GSE1: variants seen among roughly 807,000 people sequenced by gnomAD.
The protein encoded by GSE1 is genetic suppressor element 1.
GSE1 carries 32 observed loss-of-function variants against 112.6 expected under a neutral mutation model. The observed-to-expected ratio is 0.28, with a 90% CI of 0.21 to 0.38. The LOEUF (loss-of-function observed/expected upper bound fraction) is 0.38. GSE1 is among the 10% of genes least tolerant of loss of function. GSE1 has a pLI of 1.00. For synonymous variants in GSE1, 1,115 were observed against 735.6 expected (o/e 1.52, Z -8.35); for missense variants, 2,348 against 1,699.2 (o/e 1.38, Z -6.71).
chr16:85,667,664 C>G (rs1338607263), intron 13 of GSE1, among the ~76,000 whole-genome samples: 1 of 152,192 alleles, frequency 6.6e-6, no homozygotes, highest in African/African-American at 2.4e-5. Context: ...TTGAAACCAG[C>G]CTGGGCCAAC....
Position 85,674,555 on chromosome 16 carries a change from G to C in GSE1, c.*2016G>C, listed in dbSNP as rs1251221191. On this transcript the variant is annotated 3_prime_UTR_variant, in exon 16 of 16. Coordinates refer to ENST00000253458, the MANE Select transcript of GSE1 (RefSeq NM_014615.5). The stretch of plus-strand genomic sequence containing the variant: ...CCTACTTGAGGTTTCTGGTCTGAAG[G>C]CTTAAGAGTCACATCTTAGCACTTC... 1.3e-5 allele frequency: 2 copies of C among 152,344 alleles called. No homozygotes were observed. Among genetic ancestry groups the C allele is most frequent in the South Asian group, 2.1e-4 (1 of 4,830 alleles). 9.4% of individuals were successfully genotyped at this position (152,344 alleles called of 1,614,324 possible).
intron 2 of GSE1, among the ~76,000 whole-genome samples, chr16:85,539,123 GTTTA>G (rs1190110016): frequency 1.3e-5 from 2 of 152,244 alleles, no homozygotes; most frequent in Non-Finnish European, 2.9e-5. Context: ...GAGCTGTGCA[GTTTA>G]TTTATGTATG....
intron 1 of GSE1, among the ~76,000 whole-genome samples, chr16:85,231,559 G>T (rs1383080829): frequency 6.6e-6 from 1 of 152,234 alleles, no homozygotes; most frequent in Non-Finnish European, 1.5e-5. Context: ...ACAGGTGGAA[G>T]TGTAGATGAA....
intron 1 of GSE1, among the ~76,000 whole-genome samples, chr16:85,615,997 C>G (rs893038191): frequency 6.6e-6 from 1 of 152,244 alleles, no homozygotes; most frequent in Non-Finnish European, 1.5e-5. Context: ...CTCCAGCAGT[C>G]ACTTCCCTGT....
chr16:85,230,620 C>G (rs1904276440), intron 1 of GSE1, among the ~76,000 whole-genome samples: 1 of 152,194 alleles, frequency 6.6e-6, no homozygotes, highest in East Asian at 1.9e-4. Context: ...ACCAGCAGTT[C>G]TAGGCTGACG....
intron 2 of GSE1, among the ~76,000 whole-genome samples, chr16:85,510,687 G>A (rs943571870): frequency 4.6e-5 from 7 of 152,180 alleles, no homozygotes; most frequent in Non-Finnish European, 7.3e-5. Context: ...ACCCTCCCAC[G>A]GCTCCCATGC....
chr16:85,253,679 C>T (rs1906758381), intron 1 of GSE1, among the ~76,000 whole-genome samples: 1 of 152,192 alleles, frequency 6.6e-6, no homozygotes, highest in Non-Finnish European at 1.5e-5. Flanking sequence ...AGCCTCCTTC[C>T]TGGAAGACCT....
intron 2 of GSE1, among the ~76,000 whole-genome samples, chr16:85,520,443 T>C (rs1357472414): frequency 6.6e-6 from 1 of 151,716 alleles, no homozygotes; most frequent in Non-Finnish European, 1.5e-5. Flanking sequence ...TTTTTTTTCT[T>C]TTTTTGAGAA....
chr16:85,358,490 G>T (rs1303078305), intron 2 of GSE1, among the ~76,000 whole-genome samples: 1 of 152,166 alleles, frequency 6.6e-6, no homozygotes, highest in African/African-American at 2.4e-5. Flanking sequence ...CCCGCCCCTG[G>T]TGCCAACCAC....
intron 2 of GSE1, among the ~76,000 whole-genome samples, chr16:85,494,306 G>A (rs899321654): frequency 1.3e-5 from 2 of 152,130 alleles, no homozygotes; most frequent in African/African-American, 2.4e-5. Flanking sequence ...GCTTGTGGCC[G>A]CTTCACTACA....
intron 5 of GSE1, among the ~76,000 whole-genome samples, 199 bp from the exon 6 acceptor site, chr16:85,655,527 C>A (rs976125256): frequency 6.6e-6 from 1 of 152,194 alleles, no homozygotes; most frequent in Non-Finnish European, 1.5e-5. Flanking sequence ...GCCCTGGAAC[C>A]CCAAGCTGTC....
At chr16:85,471,205 G>T (rs1047057331) in intron 2 of GSE1, among the ~76,000 whole-genome samples, 1 of 152,222 alleles carries the variant, frequency 6.6e-6, no homozygotes, top group African/African-American at 2.4e-5. Flanking sequence ...AAGAGGCTGG[G>T]CTCTCAGCAT....
At chr16:85,252,378 CT>C (rs1211672552) in intron 1 of GSE1, among the ~76,000 whole-genome samples, 6 of 152,258 alleles carry the variant, frequency 3.9e-5, no homozygotes, top group Admixed American at 1.3e-4. Flanking sequence ...CCTCCCTCCC[CT>C]TGTTGCTTAG....
At chr16:85,584,878 GC>G (rs1465774832) in intron 1 of GSE1, among the ~76,000 whole-genome samples, 1 of 151,766 alleles carries the variant, frequency 6.6e-6, no homozygotes, top group East Asian at 1.9e-4. Context: ...CAAGACCCTC[GC>G]CCCCTGCACT....
chr16:85,428,387 G>A (rs2049040942), intron 2 of GSE1, among the ~76,000 whole-genome samples: 1 of 152,248 alleles, frequency 6.6e-6, no homozygotes, highest in Admixed American at 6.5e-5. Flanking sequence ...TCTGGCTTCA[G>A]AGCTCAGCTC....
At chr16:85,519,275 TCAC>T (rs2052059198) in intron 2 of GSE1, among the ~76,000 whole-genome samples, 1 of 128,654 alleles carries the variant, frequency 7.8e-6, no homozygotes, top group East Asian at 2.9e-4. Context: ...ACTATCATCA[TCAC>T]CATCACCACC....
At chr16:85,633,238 A>T (rs1300985182) in intron 1 of GSE1, among the ~76,000 whole-genome samples, 1 of 152,130 alleles carries the variant, frequency 6.6e-6, no homozygotes, top group Admixed American at 6.5e-5. Context: ...GCTCCCTGTC[A>T]GCCTGCCTGT....
chr16:85,643,194 G>A (rs890787448), intron 2 of GSE1, among the ~76,000 whole-genome samples: 5 of 152,206 alleles, frequency 3.3e-5, no homozygotes, highest in South Asian at 2.1e-4. Flanking sequence ...CGCGGACACG[G>A]GCTGCCTCTT....
chr16:85,362,204 T>G (rs1597488122), intron 2 of GSE1, among the ~76,000 whole-genome samples: 2 of 152,230 alleles, frequency 1.3e-5, no homozygotes, highest in East Asian at 3.8e-4. Flanking sequence ...AACCTTGTGA[T>G]GGATGTCCTT....
Sources: allele counts gnomAD v4.1 joint callset (sites outside exome capture counted in the v4.1 genomes callset), GRCh38; gene constraint gnomAD v4.1.1; transcripts MANE v1.5; gene names NCBI Gene and HGNC (gene_info 2026-07-23, HGNC 2026-07-21).